Variants in CSMD1 observed in about 807,000 individuals in gnomAD.
CSMD1 encodes CUB and Sushi multiple domains 1.
CSMD1 carries 213 observed loss-of-function variants against 417.5 expected under a neutral mutation model. That is an observed-to-expected ratio of 0.51 (90% confidence interval 0.46 to 0.57). CSMD1 has a LOEUF of 0.57. Ranked by LOEUF, CSMD1 falls within the 20% of genes least tolerant of loss-of-function variation. The probability of loss-of-function intolerance (pLI) is 0.00; values close to 1 mark genes in which losing one functional copy is unlikely to be tolerated. For missense variants in CSMD1, 6,923 were observed against 4,529.7 expected (o/e 1.53, Z -15.17); for synonymous variants, 2,862 against 1,736.8 (o/e 1.65, Z -16.11).
chr8:3,397,925 G>C (rs1170737462), intron 16 of CSMD1, among the ~76,000 whole-genome samples: 1 of 152,146 alleles, frequency 6.6e-6, no homozygotes, highest in Non-Finnish European at 1.5e-5. Flanking sequence ...TGGTGGAAAT[G>C]AACATTTCCT....
At chr8:4,930,419 T>A (rs1308652597) in intron 1 of CSMD1, among the ~76,000 whole-genome samples, 1 of 152,068 alleles carries the variant, frequency 6.6e-6, no homozygotes, top group Non-Finnish European at 1.5e-5. Flanking sequence ...ACACATCATT[T>A]TGAGAAGTGG....
chr8:4,682,442 A>AT (rs971735774), intron 1 of CSMD1, among the ~76,000 whole-genome samples: 4 of 152,002 alleles, frequency 2.6e-5, no homozygotes, highest in East Asian at 1.9e-4. Flanking sequence ...TTTGCTATGA[A>AT]TTTTTTTTCA....
chr8:3,290,572 G>A (rs137945723), intron 25 of CSMD1, among the ~76,000 whole-genome samples: 8 of 145,856 alleles, frequency 5.5e-5, no homozygotes, highest in East Asian at 2.0e-4. Context: ...TAGGTATTTT[G>A]TTCTCTTTGA....
intron 7 of CSMD1, among the ~76,000 whole-genome samples, chr8:3,671,987 A>T (rs1352064674): frequency 6.6e-6 from 1 of 152,176 alleles, no homozygotes; most frequent in African/African-American, 2.4e-5. Context: ...TGCAATACTT[A>T]AACAAAAATA....
intron 12 of CSMD1, among the ~76,000 whole-genome samples, chr8:3,436,172 C>T (rs1005350056): frequency 1.3e-5 from 2 of 152,124 alleles, no homozygotes; most frequent in African/African-American, 4.8e-5. Flanking sequence ...CCTGGGAGAA[C>T]ATCAAGGCTA....
At chr8:4,396,901 G>C (rs986826132) in intron 3 of CSMD1, among the ~76,000 whole-genome samples, 1 of 152,014 alleles carries the variant, frequency 6.6e-6, no homozygotes, top group Non-Finnish European at 1.5e-5. Context: ...AGGCAGATGG[G>C]AAACAAAAGA....
rs888354919 is a variant in CSMD1, at chr8:4,885,947, G to C, written c.85+108385C>G. On this transcript the variant is annotated intron_variant, in intron 1 of 69. Coordinates refer to ENST00000635120, the MANE Select transcript of CSMD1 (RefSeq NM_033225.6). ...TCTTTGTAAGGATTTTATCATTTTA[G>C]CTCTTACATTTAGGTCTCTGATCCT... Among the ~76,000 whole-genome samples, 5 of 152,048 alleles carry C rather than the reference G, an allele frequency of 3.3e-5. No individual in the cohort carries two copies. In the South Asian group the frequency reaches 6.2e-4, roughly 19 times the overall value.
rs568920779 is a variant in CSMD1, at chr8:4,154,695, G to A, written c.416-122596C>T. 2.0e-4 allele frequency among the ~76,000 whole-genome samples: 31 copies of A among 152,278 alleles called. 1 individual carries two copies. The Middle Eastern group carries it at 0.01, about 50-fold the overall frequency. On this transcript the variant is annotated intron_variant, in intron 3 of 69. Coordinates refer to ENST00000635120, the MANE Select transcript of CSMD1 (RefSeq NM_033225.6). ...TAACCTGAGAATTCTCATTAAAAACGTACAAGGAAAAAGAGATCATGTTTG... is the reference window on the plus strand; with the variant it reads ...TAACCTGAGAATTCTCATTAAAAACATACAAGGAAAAAGAGATCATGTTTG...
chr8:3,566,252 G>C (rs765428374), intron 10 of CSMD1, among the ~76,000 whole-genome samples: 2 of 151,894 alleles, frequency 1.3e-5, no homozygotes, highest in Non-Finnish European at 2.9e-5. Context: ...AGGATGAGGA[G>C]GAAGAGTTGA....
chr8:4,003,942 G>T (rs372836226), intron 4 of CSMD1, among the ~76,000 whole-genome samples: 1 of 151,316 alleles, frequency 6.6e-6, no homozygotes, highest in Non-Finnish European at 1.5e-5. Context: ...TTAGAAAACA[G>T]AACAAAACAA....
At chr8:3,799,956 A>T (rs1800368232) in intron 5 of CSMD1, among the ~76,000 whole-genome samples, 1 of 152,174 alleles carries the variant, frequency 6.6e-6, no homozygotes, top group South Asian at 2.1e-4. Context: ...GGAATAATGA[A>T]AATGTCTGGG....
rs140344560 is a variant in CSMD1 at position 4,640,393 on chromosome 8, C to T, written c.86-2835G>A. 1.5e-3 allele frequency among the ~76,000 whole-genome samples: 227 copies of T among 152,158 alleles called. 1 individual carries two copies. Among genetic ancestry groups the T allele is most frequent in the Non-Finnish European group, 2.9e-3 (194 of 68,002 alleles). On this transcript the variant is annotated intron_variant, in intron 1 of 69. Transcript: ENST00000635120. ...ATACTGCATCTTATTATAAAGCCACCGTGATTAAAGCAGTGTTTGATTGGT... is the reference window on the plus strand; with the variant it reads ...ATACTGCATCTTATTATAAAGCCACTGTGATTAAAGCAGTGTTTGATTGGT...
intron 2 of CSMD1, among the ~76,000 whole-genome samples, chr8:4,555,783 A>T (rs1485577006): frequency 6.6e-6 from 1 of 152,204 alleles, no homozygotes; most frequent in Non-Finnish European, 1.5e-5. Context: ...TAATACTGAG[A>T]TTGAAAGAAA....
intron 67 of CSMD1, among the ~76,000 whole-genome samples, chr8:2,949,588 C>T (rs1200983235): frequency 2.0e-5 from 3 of 152,154 alleles, no homozygotes; most frequent in Non-Finnish European, 4.4e-5. Context: ...CTTTAACTAA[C>T]ATATGCAAAT....
chr8:3,672,978 T>A (rs1799158258), intron 7 of CSMD1, among the ~76,000 whole-genome samples: 1 of 152,358 alleles, frequency 6.6e-6, no homozygotes, highest in African/African-American at 2.4e-5. Flanking sequence ...TGCCTTATTG[T>A]AAGTACTTGT....
intron 5 of CSMD1, among the ~76,000 whole-genome samples, chr8:3,758,362 G>A (rs377592428): frequency 6.2e-4 from 94 of 152,280 alleles, no homozygotes; most frequent in African/African-American, 1.8e-3. Context: ...ATTGTACCCC[G>A]AAGTCGATTT....
intron 6 of CSMD1, among the ~76,000 whole-genome samples, chr8:3,752,970 G>T (rs576110171): frequency 2.2e-4 from 34 of 152,282 alleles, no homozygotes; most frequent in Admixed American, 1.1e-3. Flanking sequence ...ATCTCCAGCA[G>T]GAGCTATAAT....
chr8:4,510,383 T>A (rs1229010543), intron 2 of CSMD1, among the ~76,000 whole-genome samples: 4 of 20,010 alleles, frequency 2.0e-4, no homozygotes, highest in East Asian at 1.6e-3. Flanking sequence ...TTAAAAAGCA[T>A]AATGCCTAAA....
chr8:4,074,567 A>G (rs543283121), intron 3 of CSMD1, among the ~76,000 whole-genome samples: 15 of 152,268 alleles, frequency 9.9e-5, no homozygotes, highest in Non-Finnish European at 2.2e-4. Context: ...AAGTTAAAGG[A>G]TCCGACATAA....
Sources: allele counts gnomAD v4.1 joint callset (sites outside exome capture counted in the v4.1 genomes callset), GRCh38; gene constraint gnomAD v4.1.1; transcripts MANE v1.5; gene names NCBI Gene and HGNC (gene_info 2026-07-23, HGNC 2026-07-21).